The following CAPN8 variants were observed in gnomAD, a reference collection of about 807,000 sequenced individuals.
The protein encoded by CAPN8 is calpain 8.
Under a neutral mutation model 80.9 loss-of-function variants are expected in CAPN8, and 87 were observed. That is an observed-to-expected ratio of 1.07 (90% confidence interval 0.90 to 1.28). The LOEUF is 1.28. Among genes scored for constraint, CAPN8 ranks in the 50% most tolerant of loss-of-function variants. The pLI is 0.00. For missense variants in CAPN8, 757 were observed against 702.0 expected (o/e 1.08, Z -0.89); for synonymous variants, 299 against 273.8 (o/e 1.09, Z -0.91).
chr1:223,665,096 A>C (rs1658749150), intron 1 of CAPN8, among the ~76,000 whole-genome samples: 1 of 151,770 alleles, frequency 6.6e-6, no homozygotes, highest in Non-Finnish European at 1.5e-5. Context: ...TCTACTAAAA[A>C]TACAAAATTA....
At position 223,625,826 on chromosome 1, in the gene CAPN8, G is replaced by A. The variant is rs1657556600; in HGVS notation, c.792C>T (p.Tyr264=). The A allele has an allele frequency of 3.2e-6, 5 of 1,551,194 alleles. No individual in the cohort carries two copies. The African/African-American group carries it at 5.5e-5, about 17-fold the overall frequency. Residue 264 remains tyrosine, a synonymous_variant, in exon 6 of 21, where the codon TAC becomes TAT. Coordinates refer to ENST00000366872, the MANE Select transcript of CAPN8 (RefSeq NM_001143962.2). ...TTACCTCTTCGACTCCAGTGACAGA[G>A]TACGCATGACTCTTAACCAGCTTCT... ...TSQKLVKSHA[Y]SVTGVEEVNF...
intron 2 of CAPN8, among the ~76,000 whole-genome samples, chr1:223,644,658 G>A (rs1558353741): frequency 6.6e-6 from 1 of 152,156 alleles, no homozygotes; most frequent in South Asian, 2.1e-4. Context: ...GTTTCTAGGG[G>A]AGCGCTAGGA....
In CAPN8 at chr1:223,665,512, T is replaced by C; in HGVS notation, c.135A>G (p.Leu45=). ...LRQQCLDSGV[L]FKDPEFPACP... ...ATGCTGGGAACTCAGGGTCCTTAAA[T>C]AGGACCCCTGAGTCCAAGCACTGTT... Residue 45 remains leucine, a synonymous_variant, in exon 1 of 21, where the codon CTA becomes CTG. Transcript: ENST00000366872. 6.4e-7 allele frequency: 1 copy of C among 1,551,736 alleles called. No homozygotes were observed. The highest frequency in any genetic ancestry group is 8.7e-7 in the Non-Finnish European group (1 of 1,146,974).
At chr1:223,610,552 C>T (rs1326268729) in intron 11 of CAPN8, among the ~76,000 whole-genome samples, 1 of 152,198 alleles carries the variant, frequency 6.6e-6, no homozygotes, top group African/African-American at 2.4e-5. Context: ...TAGGAGAAAG[C>T]ACTCAGGAGA....
At chr1:223,625,740 G>A (rs547111109) in intron 6 of CAPN8, 65 bp downstream of exon 6, 55 of 1,402,412 alleles carry the variant, frequency 3.9e-5, no homozygotes, top group African/African-American at 2.0e-4. Context: ...TCCTCCTGTC[G>A]AGATGGCTTG....
chr1:223,627,013 C>A lies in CAPN8; in HGVS notation c.705G>T (p.Gly235=), dbSNP rs763367192. The change falls in exon 5 of 21, where the codon GGG becomes GGT. Residue 235 remains glycine, a synonymous_variant. Transcript: ENST00000366872. ...CATCAATGGAGCAGCCCAGCAGAGACCCCGCACAGAGGGCCTTCCGGATGA... is the reference window on the plus strand; with the variant it reads ...CATCAATGGAGCAGCCCAGCAGAGAACCCGCACAGAGGGCCTTCCGGATGA... ...YQIIRKALCA[G]SLLGCSIDVS... 6.4e-7 allele frequency: 1 copy of A among 1,551,710 alleles called. No individual in the cohort carries two copies. Among genetic ancestry groups the A allele is most frequent in the South Asian group, 1.2e-5 (1 of 84,058 alleles).
intron 1 of CAPN8, among the ~76,000 whole-genome samples, chr1:223,660,304 C>G (rs892121418): frequency 2.0e-5 from 3 of 152,168 alleles, no homozygotes; most frequent in Admixed American, 6.5e-5. Context: ...GGGCATTCCT[C>G]AAACCACAGG....
intron 2 of CAPN8, among the ~76,000 whole-genome samples, chr1:223,637,391 T>C (rs1334426444): frequency 2.0e-5 from 3 of 152,132 alleles, no homozygotes; most frequent in African/African-American, 4.8e-5. Context: ...CTGCCATGAC[T>C]TCTTAGCATC....
At chr1:223,642,287 G>C (rs1480293943) in intron 2 of CAPN8, among the ~76,000 whole-genome samples, 1 of 145,546 alleles carries the variant, frequency 6.9e-6, no homozygotes, top group Non-Finnish European at 1.5e-5. Flanking sequence ...CCCAAGCACT[G>C]GTGTTTTTCT....
intron 2 of CAPN8, among the ~76,000 whole-genome samples, chr1:223,630,593 C>T (rs1312978807): frequency 2.0e-5 from 3 of 152,086 alleles, no homozygotes; most frequent in Non-Finnish European, 4.4e-5. Flanking sequence ...ATCTTAGCCT[C>T]CCAAAGTGCT....
Position 223,558,846 on chromosome 1 carries a change from G to A in CAPN8, c.1536-679C>T, listed in dbSNP as rs1036932272. On this transcript the variant is annotated intron_variant, in intron 12 of 20. Coordinates refer to ENST00000366872, the MANE Select transcript of CAPN8 (RefSeq NM_001143962.2). ...TGCTGCATGTGTGGTATAAATGTGT[G>A]TGTGATATATATGTGTGGTGTGTAT... Among the ~76,000 whole-genome samples, 5 of 149,056 alleles carry A rather than the reference G, an allele frequency of 3.4e-5. No individual in the cohort carries two copies. The East Asian group carries it at 8.2e-4, about 24-fold the overall frequency.
At chr1:223,613,361 C>T (rs1356591469) in intron 10 of CAPN8, among the ~76,000 whole-genome samples, 1 of 152,236 alleles carries the variant, frequency 6.6e-6, no homozygotes, top group Non-Finnish European at 1.5e-5. Context: ...CAAGTATCTT[C>T]CTGTCAGCTC....
At chr1:223,638,871 C>A (rs1039197778) in intron 2 of CAPN8, among the ~76,000 whole-genome samples, 2 of 152,212 alleles carry the variant, frequency 1.3e-5, no homozygotes, top group Non-Finnish European at 2.9e-5. Context: ...TTTGAACCTA[C>A]AAATGTACCT....
chr1:223,637,732 C>T (rs942515667), intron 2 of CAPN8, among the ~76,000 whole-genome samples: 1 of 152,256 alleles, frequency 6.6e-6, no homozygotes. Flanking sequence ...GACACTGGGA[C>T]AAGAGAGACC....
rs1023663337 is a variant in CAPN8, at chr1:223,628,720, C to T, written c.368G>A (p.Arg123Gln). ...GAAGTCCTGGTCCCTGGGGACCACCCGGTAAAGCAGCTCTTCATTCAGGGT... is the reference window on the plus strand; with the variant it reads ...GAAGTCCTGGTCCCTGGGGACCACCTGGTAAAGCAGCTCTTCATTCAGGGT... ...SLTLNEELLY[R>Q]VVPRDQDFQE... Residue 123 changes from arginine (R) to glutamine (Q), a missense_variant, in exon 3 of 21, where the codon CGG becomes CAG. Arg to Gln is a conservative substitution (Grantham distance 43). Transcript: ENST00000366872. 7 of 1,552,054 alleles carry T rather than the reference C, an allele frequency of 4.5e-6. No homozygotes were observed. Among genetic ancestry groups the T allele is most frequent in the African/African-American group, 4.1e-5 (3 of 73,050 alleles).
intron 1 of CAPN8, among the ~76,000 whole-genome samples, chr1:223,664,847 G>A (rs1004605486): frequency 1.3e-5 from 2 of 152,180 alleles, no homozygotes; most frequent in African/African-American, 4.8e-5. Context: ...GTTAAGGTAG[G>A]AAAATCACCT....
chr1:223,638,697 A>T (rs1050733749), intron 2 of CAPN8, among the ~76,000 whole-genome samples: 6 of 152,142 alleles, frequency 3.9e-5, no homozygotes, highest in Non-Finnish European at 8.8e-5. Flanking sequence ...ACTCTCCCTC[A>T]AACAAACAAC....
At chr1:223,644,999 C>T (rs1250881079) in intron 2 of CAPN8, among the ~76,000 whole-genome samples, 1 of 152,154 alleles carries the variant, frequency 6.6e-6, no homozygotes, top group Non-Finnish European at 1.5e-5. Flanking sequence ...CCACAATAAG[C>T]CGTCTGCAAG....
intron 2 of CAPN8, chr1:223,644,244 G>C: frequency 2.9e-6 from 1 of 343,282 alleles, no homozygotes; most frequent in South Asian, 3.0e-5. Context: ...CAAAACCAAT[G>C]ATACAGCCTT....
Sources: gnomAD v4.1 joint callset for allele counts (sites outside exome capture counted in the v4.1 genomes callset) on GRCh38, gnomAD v4.1.1 for gene constraint, MANE v1.5 for transcripts, NCBI Gene and HGNC (gene_info 2026-07-23, HGNC 2026-07-21) for gene names.